MVB12B: variants seen among roughly 807,000 people sequenced by gnomAD.
The protein encoded by MVB12B is multivesicular body subunit 12B.
A neutral mutation model predicts 41.6 loss-of-function variants in MVB12B; 16 were observed. The observed-to-expected ratio is 0.38, with a 90% confidence interval of 0.26 to 0.58. MVB12B has a LOEUF of 0.58. Among genes scored for constraint, MVB12B ranks in the 20% least tolerant of loss-of-function variants. The pLI is 0.62. For synonymous variants in MVB12B, 133 were observed against 139.7 expected (o/e 0.95, Z 0.34); for missense variants, 274 against 380.2 (o/e 0.72, Z 2.32).
At chr9:126,418,709 C>T (rs1435599215) in intron 6 of MVB12B, among the ~76,000 whole-genome samples, 2 of 152,102 alleles carry the variant, frequency 1.3e-5, no homozygotes, top group Non-Finnish European at 2.9e-5. Context: ...CTGGCTTCCT[C>T]CTAAGTCTGG....
At chr9:126,445,809 T>A (rs1262999900) in intron 7 of MVB12B, among the ~76,000 whole-genome samples, 1 of 152,180 alleles carries the variant, frequency 6.6e-6, no homozygotes, top group Non-Finnish European at 1.5e-5. Context: ...TTGTTTTTTT[T>A]AATCTTCATT....
rs113603748 is a variant in MVB12B, at chr9:126,478,265, G to A, written c.758-3104G>A. On this transcript the variant is annotated intron_variant, in intron 7 of 9. Coordinates refer to ENST00000361171, the MANE Select transcript of MVB12B (RefSeq NM_033446.3). This position sits in a 1 kb window ranked among gnomAD's most constrained non-coding sequence, Gnocchi z 4.2. ...GCTTTCATCTCCAGCAGCAGCAGGC[G>A]GGGGTAGCAGTGAGCAGGGTCCCCA... is the stretch of plus-strand genomic sequence containing the variant. Among the ~76,000 whole-genome samples the A allele has an allele frequency of 3.9e-3, 592 of 152,248 alleles. 3 individuals are homozygous for A. Among genetic ancestry groups the A allele is most frequent in the African/African-American group, 0.014 (563 of 41,538 alleles).
At chr9:126,361,541 A>G (rs914776562) in intron 2 of MVB12B, among the ~76,000 whole-genome samples, 1 of 146,098 alleles carries the variant, frequency 6.8e-6, no homozygotes, top group African/African-American at 2.5e-5. Context: ...GTAGATCTGC[A>G]TTTGTGTAGA....
chr9:126,422,956 C>T (rs1385951324), intron 7 of MVB12B, among the ~76,000 whole-genome samples: 1 of 152,186 alleles, frequency 6.6e-6, no homozygotes, highest in Non-Finnish European at 1.5e-5. Flanking sequence ...AGCCCCCATC[C>T]CTGGCTCCAC....
chr9:126,500,219 G>A (rs1003591547), intron 9 of MVB12B, among the ~76,000 whole-genome samples: 8 of 152,168 alleles, frequency 5.3e-5, no homozygotes, highest in African/African-American at 1.9e-4. Flanking sequence ...TGAAGGAGCA[G>A]AAGGGCGCGG....
In MVB12B at chr9:126,472,469, C is replaced by CAAA. The variant is rs35537694; in HGVS notation, c.758-8888_758-8886dup. On this transcript the variant is annotated intron_variant, in intron 7 of 9. Coordinates refer to ENST00000361171, the MANE Select transcript of MVB12B (RefSeq NM_033446.3). ...AAAGACAGGCATTCAGGTCAGCTGGCAAAAAAAAAAAAAACCCACCACCCC... is the reference window on the plus strand; with the variant it reads ...AAAGACAGGCATTCAGGTCAGCTGGCAAAAAAAAAAAAAAAAACCCACCACCCC... Among the ~76,000 whole-genome samples the CAAA allele has an allele frequency of 1.8e-3, 238 of 135,170 alleles. 6 individuals are homozygous for CAAA. The East Asian group carries it at 0.032, about 18-fold the overall frequency. The allele number at this position is 135,170 out of a possible 152,430, so 88.7% of individuals were successfully genotyped here. A position where few individuals can be genotyped will look rare whatever the true frequency, so the allele number is the denominator to read the frequency against.
rs73595697 is a variant in MVB12B, at chr9:126,421,979, C to T, written c.757+31C>T. Reference sequence around the variant, plus strand: ...TGGAGCCACCGCTGCAGGCCAGCTACAGAGTCTGTGTCCCGGGCGCCACCT... The same window carrying T: ...TGGAGCCACCGCTGCAGGCCAGCTATAGAGTCTGTGTCCCGGGCGCCACCT... On this transcript the variant is annotated intron_variant, in intron 7 of 9. Coordinates refer to ENST00000361171, the MANE Select transcript of MVB12B (RefSeq NM_033446.3). 9,289 of 1,536,982 alleles carry T rather than the reference C, an allele frequency of 6.0e-3. 142 individuals are homozygous for T. Among genetic ancestry groups the T allele is most frequent in the African/African-American group, 0.058 (4,240 of 73,264 alleles).
Position 126,386,684 on chromosome 9 carries a change from T to C in MVB12B, c.409+26T>C. On this transcript the variant is annotated intron_variant, in intron 4 of 9. Transcript: ENST00000361171. The surrounding 1 kb of genome is among the most constrained non-coding windows in gnomAD (Gnocchi z 4.3). ...GTGAGTCATCCTTTAGTAGCACTCA[T>C]CACAATGAGCGTTTTCTTCCTCCAG... 6.7e-7 allele frequency: 1 copy of C among 1,498,706 alleles called. No individual in the cohort carries two copies. The highest frequency in any genetic ancestry group is 1.7e-4 in the Middle Eastern group (1 of 5,850). 92.8% of individuals were successfully genotyped at this position (1,498,706 alleles called of 1,614,324 possible).
intron 7 of MVB12B, among the ~76,000 whole-genome samples, chr9:126,453,688 C>T (rs1014839090): frequency 1.3e-5 from 2 of 152,220 alleles, no homozygotes; most frequent in Non-Finnish European, 2.9e-5. Context: ...ACATGCGTTA[C>T]GTGGCACATG....
intron 6 of MVB12B, among the ~76,000 whole-genome samples, chr9:126,412,757 T>G (rs1831688556): frequency 6.6e-6 from 1 of 152,244 alleles, no homozygotes; most frequent in African/African-American, 2.4e-5. Flanking sequence ...AGCCCTTTGC[T>G]GTACTGTAGC....
At chr9:126,343,187 A>T (rs1260642606) in intron 2 of MVB12B, among the ~76,000 whole-genome samples, 1 of 152,276 alleles carries the variant, frequency 6.6e-6, no homozygotes. Flanking sequence ...ATTATTTGCT[A>T]AACTTCTCAA....
At chr9:126,406,602 G>A (rs1831434997) in intron 6 of MVB12B, among the ~76,000 whole-genome samples, 1 of 152,230 alleles carries the variant, frequency 6.6e-6, no homozygotes, top group Admixed American at 6.5e-5. Context: ...TAAGGTCAGC[G>A]AGGTTTAGAG....
At chr9:126,416,685 G>C (rs1564319835) in intron 6 of MVB12B, among the ~76,000 whole-genome samples, 1 of 152,122 alleles carries the variant, frequency 6.6e-6, no homozygotes, top group Non-Finnish European at 1.5e-5. Flanking sequence ...TTAATACCTA[G>C]CTTTCCCTTC....
intron 7 of MVB12B, among the ~76,000 whole-genome samples, chr9:126,453,469 G>A: frequency 6.6e-6 from 1 of 152,202 alleles, no homozygotes; most frequent in East Asian, 1.9e-4. Flanking sequence ...CATACCTGAG[G>A]TTGGAGGTCC....
intron 1 of MVB12B, among the ~76,000 whole-genome samples, chr9:126,335,910 C>CCT (rs575077997): frequency 9.6e-4 from 146 of 152,316 alleles, no homozygotes; most frequent in Non-Finnish European, 1.7e-3. Flanking sequence ...GCCTGCCCCC[C>CCT]GTTAATACTT....
chr9:126,397,261 A>G, intron 6 of MVB12B: 3 of 985,408 alleles, frequency 3.0e-6, no homozygotes, highest in Non-Finnish European at 3.6e-6. Context: ...GGTTAAAGAA[A>G]GAACACCAGT....
intron 2 of MVB12B, among the ~76,000 whole-genome samples, chr9:126,361,409 A>G (rs1830026738): frequency 6.6e-6 from 1 of 152,230 alleles, no homozygotes; most frequent in Non-Finnish European, 1.5e-5. Flanking sequence ...CATAAACTCC[A>G]CAATACATTG....
intron 6 of MVB12B, among the ~76,000 whole-genome samples, chr9:126,420,832 C>A (rs929958733): frequency 1.3e-5 from 2 of 151,792 alleles, no homozygotes; most frequent in Non-Finnish European, 2.9e-5. Flanking sequence ...CGTGAGCCAC[C>A]GCGCCCGGCC....
chr9:126,446,931 T>TG (rs1832783729), intron 7 of MVB12B, among the ~76,000 whole-genome samples: 1 of 138,174 alleles, frequency 7.2e-6, no homozygotes, highest in Non-Finnish European at 1.5e-5. Context: ...TTCTTTTTTT[T>TG]AACTTTCTTT....
Sources: allele counts gnomAD v4.1 joint callset (sites outside exome capture counted in the v4.1 genomes callset), GRCh38; gene constraint gnomAD v4.1.1; non-coding constraint Gnocchi (gnomAD v3.1); transcripts MANE v1.5; gene names NCBI Gene and HGNC (gene_info 2026-07-23, HGNC 2026-07-21).